Variants in PARD3 observed in about 807,000 individuals in gnomAD.
The protein encoded by PARD3 is partitioning defective 3 homolog.
PARD3 carries 75 observed loss-of-function variants against 155.4 expected under a neutral mutation model. That is an observed-to-expected ratio of 0.48 (90% CI 0.40 to 0.58). The LOEUF (loss-of-function observed/expected upper bound fraction) is 0.58. Among genes scored for constraint, PARD3 ranks in the 20% least tolerant of loss-of-function variants. The probability of loss-of-function intolerance (pLI) is 0.00; values close to 1 mark genes in which losing one functional copy is unlikely to be tolerated. For missense variants in PARD3, 1,642 were observed against 1,721.7 expected (o/e 0.95, Z 0.82); for synonymous variants, 576 against 610.5 (o/e 0.94, Z 0.83).
intron 3 of PARD3, among the ~76,000 whole-genome samples, chr10:34,490,459 C>A (rs1029721720): frequency 6.7e-6 from 1 of 149,200 alleles, no homozygotes; most frequent in African/African-American, 2.6e-5. Flanking sequence ...TGCTTCATAT[C>A]TATGTCAGAA....
At chr10:34,402,445 G>A (rs1843986835) in intron 5 of PARD3, among the ~76,000 whole-genome samples, 1 of 152,126 alleles carries the variant, frequency 6.6e-6, no homozygotes, top group African/African-American at 2.4e-5. Flanking sequence ...ACAGGCAGTG[G>A]TATAGTTCCA....
At chr10:34,216,061 G>C (rs1026633487) in intron 22 of PARD3, among the ~76,000 whole-genome samples, 1 of 152,164 alleles carries the variant, frequency 6.6e-6, no homozygotes. Context: ...ATTGGTCCCA[G>C]AGAAAAGAAA....
chr10:34,217,031 A>G (rs1469091170), intron 22 of PARD3, among the ~76,000 whole-genome samples: 1 of 152,152 alleles, frequency 6.6e-6, no homozygotes, highest in Non-Finnish European at 1.5e-5. Context: ...TGGTTATGAA[A>G]CCTCAAACGC....
intron 21 of PARD3, among the ~76,000 whole-genome samples, chr10:34,282,075 T>C (rs1435355029): frequency 1.5e-5 from 2 of 132,890 alleles, no homozygotes; most frequent in African/African-American, 2.9e-5. Flanking sequence ...GAACGACATA[T>C]GGAAGAATGC....
chr10:34,485,111 G>A (rs892597923), intron 3 of PARD3, among the ~76,000 whole-genome samples: 3 of 152,172 alleles, frequency 2.0e-5, no homozygotes, highest in African/African-American at 7.2e-5. Context: ...GCCAAGGCAG[G>A]CAGATCACCT....
At chr10:34,225,567 AAC>A (rs1952553057) in intron 22 of PARD3, among the ~76,000 whole-genome samples, 1 of 152,108 alleles carries the variant, frequency 6.6e-6, no homozygotes, top group African/African-American at 2.4e-5. Flanking sequence ...GCTGGTCTTG[AAC>A]TCCTGACCTC....
chr10:34,645,870 G>C (rs1376851476), intron 2 of PARD3, among the ~76,000 whole-genome samples: 1 of 152,220 alleles, frequency 6.6e-6, no homozygotes, highest in East Asian at 1.9e-4. Context: ...ATTCTTCCCC[G>C]TTTTATTTTT....
At chr10:34,723,126 T>C (rs992593305) in intron 1 of PARD3, among the ~76,000 whole-genome samples, 1 of 152,016 alleles carries the variant, frequency 6.6e-6, no homozygotes, top group African/African-American at 2.4e-5. Context: ...GGAGATCACC[T>C]GAGCTCAGGA....
intron 1 of PARD3, among the ~76,000 whole-genome samples, chr10:34,720,997 A>G (rs532369545): frequency 2.7e-4 from 41 of 152,226 alleles, no homozygotes; most frequent in South Asian, 8.3e-4. Context: ...AAAAGAAAAC[A>G]CTTTTCAGGC....
At chr10:34,764,967 C>T (rs77648150) in intron 1 of PARD3, among the ~76,000 whole-genome samples, 3,623 of 152,274 alleles carry the variant, frequency 0.024, 148 homozygotes, top group African/African-American at 0.083. Context: ...GAAAAGTTTA[C>T]GAAGTTAGGA....
At chr10:34,651,786 T>A (rs531460475) in intron 2 of PARD3, among the ~76,000 whole-genome samples, 1 of 152,232 alleles carries the variant, frequency 6.6e-6, no homozygotes, top group Admixed American at 6.5e-5. Context: ...TGGCCACTTA[T>A]CTTCTGCTCA....
chr10:34,141,495 G>T (rs1156990630), intron 22 of PARD3, among the ~76,000 whole-genome samples: 1 of 152,160 alleles, frequency 6.6e-6, no homozygotes, highest in Non-Finnish European at 1.5e-5. Flanking sequence ...CTTCTGATGT[G>T]ATAGCTCCAG....
intron 2 of PARD3, among the ~76,000 whole-genome samples, chr10:34,641,241 C>A (rs1218178680): frequency 6.6e-6 from 1 of 152,132 alleles, no homozygotes; most frequent in Non-Finnish European, 1.5e-5. Context: ...TTGAATTAAA[C>A]ACACACCCAA....
At chr10:34,757,502 C>T (rs574906695) in intron 1 of PARD3, among the ~76,000 whole-genome samples, 1 of 151,954 alleles carries the variant, frequency 6.6e-6, no homozygotes, top group Non-Finnish European at 1.5e-5. Context: ...GCCAGGAGTT[C>T]GAGAGCAACC....
chr10:34,144,275 G>T (rs369719871), intron 22 of PARD3, among the ~76,000 whole-genome samples: 3 of 152,126 alleles, frequency 2.0e-5, no homozygotes, highest in African/African-American at 7.2e-5. Context: ...ATCATTAAAA[G>T]AAACTTCTTA....
intron 22 of PARD3, among the ~76,000 whole-genome samples, chr10:34,204,416 A>G (rs1320058749): frequency 1.3e-5 from 2 of 152,216 alleles, no homozygotes; most frequent in Admixed American, 6.5e-5. Flanking sequence ...CAGGCTGGGT[A>G]GGAAAACCAC....
intron 2 of PARD3, among the ~76,000 whole-genome samples, chr10:34,521,882 C>G (rs1056016590): frequency 6.6e-6 from 1 of 152,168 alleles, no homozygotes; most frequent in African/African-American, 2.4e-5. Context: ...TCAGAAAAAG[C>G]TACATTCAAA....
At chr10:34,425,910 C>T (rs2075577208) in intron 5 of PARD3, among the ~76,000 whole-genome samples, 1 of 152,154 alleles carries the variant, frequency 6.6e-6, no homozygotes, top group Non-Finnish European at 1.5e-5. Context: ...TTCACAGATG[C>T]TTTACATCCA....
At chr10:34,139,639 A>G (rs954790513) in intron 22 of PARD3, among the ~76,000 whole-genome samples, 2 of 152,218 alleles carry the variant, frequency 1.3e-5, no homozygotes, top group African/African-American at 4.8e-5. Context: ...GATGTAGGGC[A>G]GACCTGTCAT....
Sources: gnomAD v4.1 joint callset for allele counts (sites outside exome capture counted in the v4.1 genomes callset) on GRCh38, gnomAD v4.1.1 for gene constraint, MANE v1.5 for transcripts, NCBI Gene and HGNC (gene_info 2026-07-23, HGNC 2026-07-21) for gene names.